The following MYBPC2 variants were observed in gnomAD, a reference collection of about 807,000 sequenced individuals.
MYBPC2 encodes myosin binding protein C2, also known as myosin-binding protein C, fast-type.
MYBPC2 carries 122 observed loss-of-function variants against 137.0 expected under a neutral mutation model. That is an observed-to-expected ratio of 0.89 (90% CI 0.77 to 1.03). MYBPC2 has a LOEUF of 1.03. Ranked by LOEUF, MYBPC2 falls within the 50% of genes least tolerant of loss-of-function variation. The probability of loss-of-function intolerance (pLI) is 0.00; values close to 1 mark genes in which losing one functional copy is unlikely to be tolerated. For missense variants in MYBPC2, 1,500 were observed against 1,534.4 expected (o/e 0.98, Z 0.37); for synonymous variants, 626 against 612.3 (o/e 1.02, Z -0.33).
intron 7 of MYBPC2, 25 bp downstream of exon 7, chr19:50,437,743 A>C (rs73054411): frequency 3.6e-5 from 58 of 1,589,710 alleles, no homozygotes; most frequent in Admixed American, 2.3e-4. Context: ...TGGCACAGAG[A>C]GGGGAGATGG....
At chr19:50,442,762 AC>A (rs564256252) in intron 9 of MYBPC2, among the ~76,000 whole-genome samples, 235 of 151,920 alleles carry the variant, frequency 1.5e-3, no homozygotes, top group African/African-American at 5.4e-3. Context: ...TCACAAGACA[AC>A]CTTTTTTAAA....
At chr19:50,437,544 C>G (rs1206713355) in intron 6 of MYBPC2, 23 bp downstream of exon 6, 18 of 1,606,746 alleles carry the variant, frequency 1.1e-5, no homozygotes, top group Non-Finnish European at 1.5e-5. Context: ...AGGCCCTTAC[C>G]AGGGTCCCAA....
intron 1 of MYBPC2, 48 bp downstream of exon 1, chr19:50,433,020 T>C: frequency 6.5e-7 from 1 of 1,543,422 alleles, no homozygotes; most frequent in East Asian, 2.3e-5. Context: ...TCTTCTTTTC[T>C]GGATGGGGAT....
chr19:50,464,175 C>A (rs1568671166), intron 26 of MYBPC2, 171 bp from the exon 27 acceptor site: 1 of 595,468 alleles, frequency 1.7e-6, no homozygotes, highest in Non-Finnish European at 2.9e-6. Flanking sequence ...GGATTATCAA[C>A]CTGCTTTTAC....
intron 19 of MYBPC2, 69 bp from the exon 20 acceptor site, chr19:50,455,441 C>T: frequency 6.3e-7 from 1 of 1,577,736 alleles, no homozygotes; most frequent in South Asian, 1.2e-5. Context: ...CTACCTCTGA[C>T]TCCTGCCCCT....
chr19:50,440,104 G>T (rs747331578), intron 7 of MYBPC2, among the ~76,000 whole-genome samples: 1 of 152,076 alleles, frequency 6.6e-6, no homozygotes, highest in African/African-American at 2.4e-5. Context: ...GAGGGCTGGG[G>T]CTTCCTCCTG....
chr19:50,443,481 A>G lies in MYBPC2; in HGVS notation c.903-13A>G, dbSNP rs751909611. The G allele has an allele frequency of 1.2e-6, 2 of 1,612,042 alleles. No homozygotes were observed. Among genetic ancestry groups the G allele is most frequent in the South Asian group, 1.1e-5 (1 of 90,628 alleles). ...GCTCCACGCCCTGGTTTGAGGTGAGACTTTTGAATCAGGTACGTGTTTGAG... is the reference window on the plus strand; with the variant it reads ...GCTCCACGCCCTGGTTTGAGGTGAGGCTTTTGAATCAGGTACGTGTTTGAG... On this transcript the variant is annotated splice_polypyrimidine_tract_variant and intron_variant, in intron 9 of 27. Transcript: ENST00000357701.
At chr19:50,456,996 C>T (rs939260727) in intron 20 of MYBPC2, among the ~76,000 whole-genome samples, 3 of 152,182 alleles carry the variant, frequency 2.0e-5, no homozygotes, top group Admixed American at 6.5e-5. Context: ...GGAGAACAGA[C>T]GTGATCACCT....
intron 15 of MYBPC2, 36 bp downstream of exon 15, chr19:50,451,345 G>C (rs1568664086): frequency 6.2e-7 from 1 of 1,610,736 alleles, no homozygotes; most frequent in Admixed American, 1.7e-5. Context: ...GCGGGTCTGA[G>C]GGAGGAGGGA....
At chr19:50,448,478 T>C in intron 13 of MYBPC2, 88 bp downstream of exon 13, 4 of 1,497,222 alleles carry the variant, frequency 2.7e-6, no homozygotes, top group East Asian at 2.3e-5. Flanking sequence ...CCATTTATTT[T>C]TTTTTTTGAG....
intron 19 of MYBPC2, 30 bp from the exon 20 acceptor site, chr19:50,455,480 C>G (rs1288339753): frequency 6.2e-7 from 1 of 1,606,204 alleles, no homozygotes; most frequent in Admixed American, 1.7e-5. Flanking sequence ...CCTCATTCCC[C>G]CCATATCCTC....
intron 20 of MYBPC2, among the ~76,000 whole-genome samples, chr19:50,456,379 TCCA>T (rs2039913982): frequency 5.7e-5 from 1 of 17,492 alleles, no homozygotes; most frequent in Admixed American, 7.1e-4. Context: ...CATCCATCTA[TCCA>T]TCCATCCATC....
chr19:50,447,500 G>A (rs1056957127), intron 12 of MYBPC2, among the ~76,000 whole-genome samples: 1 of 152,118 alleles, frequency 6.6e-6, no homozygotes, highest in African/African-American at 2.4e-5. Context: ...AGGCCGAGGT[G>A]GGAGGGTAAA....
chr19:50,453,732 G>T (rs2039881290), intron 16 of MYBPC2, among the ~76,000 whole-genome samples: 1 of 151,964 alleles, frequency 6.6e-6, no homozygotes. Flanking sequence ...TAGAGATGGG[G>T]TTTCACCATG....
rs2040010214 is a variant in MYBPC2, at chr19:50,465,764, G to T, written c.3416-431G>T. Among the ~76,000 whole-genome samples the T allele has an allele frequency of 6.6e-6, 1 of 152,104 alleles. No homozygotes were observed. The highest frequency in any genetic ancestry group is 1.5e-5 in the Non-Finnish European group (1 of 68,010). ...GGGGGCTGGGGCAGGAGGATCACTT[G>T]AACCAGGGAGGCCGAGGCTGCAGTG... On this transcript the variant is annotated intron_variant, in intron 27 of 27. Coordinates refer to ENST00000357701, the MANE Select transcript of MYBPC2 (RefSeq NM_004533.4). This position sits in a 1 kb window ranked among gnomAD's most constrained non-coding sequence, Gnocchi z 4.5.
At chr19:50,446,123 C>A (rs1036532492) in intron 12 of MYBPC2, 71 bp downstream of exon 12, 14 of 1,503,764 alleles carry the variant, frequency 9.3e-6, no homozygotes, top group Admixed American at 2.1e-5. Context: ...GTTGCTCAGG[C>A]CCCCCAGTCT....
chr19:50,437,570 C>A, intron 6 of MYBPC2, 49 bp downstream of exon 6: 1 of 1,599,044 alleles, frequency 6.3e-7, no homozygotes, highest in Non-Finnish European at 8.5e-7. Context: ...ATGGGAGGCT[C>A]TCCCTTGGAA....
In MYBPC2 at chr19:50,449,540, T is replaced by C. The variant is rs184601691; in HGVS notation, c.1472+1150T>C. Among the ~76,000 whole-genome samples, 147 of 152,298 alleles carry C rather than the reference T, an allele frequency of 9.7e-4. 2 individuals carry two copies. Among genetic ancestry groups the C allele is most frequent in the African/African-American group, 3.4e-3 (142 of 41,572 alleles). On this transcript the variant is annotated intron_variant, in intron 13 of 27. Coordinates refer to ENST00000357701, the MANE Select transcript of MYBPC2 (RefSeq NM_004533.4). Reference sequence around the variant, plus strand: ...AGGAAAGTCCCAGGCCAGCTCTGAGTCAAGGGCTGGGAAGCAGATTCCACC... The same window carrying C: ...AGGAAAGTCCCAGGCCAGCTCTGAGCCAAGGGCTGGGAAGCAGATTCCACC...
At chr19:50,442,842 ATCTCAGTTCACTGCAACC>A (rs2039768731) in intron 9 of MYBPC2, among the ~76,000 whole-genome samples, 1 of 151,670 alleles carries the variant, frequency 6.6e-6, no homozygotes, top group South Asian at 2.1e-4. Flanking sequence ...CAATGGCATG[ATCTCAGTTCACTGCAACC>A]TCTGCCTCCC....
Sources: gnomAD v4.1 joint callset for allele counts (sites outside exome capture counted in the v4.1 genomes callset) on GRCh38, gnomAD v4.1.1 for gene constraint, Gnocchi (gnomAD v3.1) non-coding constraint, MANE v1.5 for transcripts, NCBI Gene and HGNC (gene_info 2026-07-23, HGNC 2026-07-21) for gene names.